COL11A1: variants seen among roughly 807,000 people sequenced by gnomAD.
The protein encoded by COL11A1 is collagen type XI alpha 1 chain.
COL11A1 carries 74 observed loss-of-function variants against 265.2 expected under a neutral mutation model. The observed-to-expected ratio is 0.28, with a 90% CI of 0.23 to 0.34. The LOEUF (loss-of-function observed/expected upper bound fraction) is 0.34, where lower values mean the gene tolerates loss of function less well. Among genes scored for constraint, COL11A1 ranks in the 10% least tolerant of loss-of-function variants. The probability of loss-of-function intolerance (pLI) is 1.00; values close to 1 mark genes in which losing one functional copy is unlikely to be tolerated. For missense variants in COL11A1, 2,165 were observed against 2,263.6 expected, an observed-to-expected ratio of 0.96 and a Z score of 0.88; for synonymous variants, 816 against 727.6, an observed-to-expected ratio of 1.12 and a Z score of -1.96.
At chr1:103,030,913 A>C (rs937705444) in intron 5 of COL11A1, 2 of 603,714 alleles carry the variant, frequency 3.3e-6, no homozygotes, top group East Asian at 3.3e-5. Context: ...ATTGCTAATA[A>C]ATTTATGTAA....
chr1:103,045,691 G>A (rs1356014325), intron 4 of COL11A1, among the ~76,000 whole-genome samples: 3 of 151,824 alleles, frequency 2.0e-5, no homozygotes, highest in Non-Finnish European at 2.9e-5. Flanking sequence ...GTATGTAGAC[G>A]TGTGCCATAT....
chr1:103,035,588 T>C (rs1668304954), intron 4 of COL11A1, among the ~76,000 whole-genome samples: 1 of 152,056 alleles, frequency 6.6e-6, no homozygotes, highest in Non-Finnish European at 1.5e-5. Flanking sequence ...CTCTCTCAAA[T>C]AGTGCTTTAA....
At chr1:103,047,881 T>C (rs1669436058) in intron 4 of COL11A1, among the ~76,000 whole-genome samples, 2 of 152,186 alleles carry the variant, frequency 1.3e-5, no homozygotes, top group Admixed American at 1.3e-4. Flanking sequence ...TTGTCTTTGA[T>C]TCTGTTTATA....
intron 28 of COL11A1, among the ~76,000 whole-genome samples, chr1:102,993,683 G>A (rs1664348519): frequency 6.6e-6 from 1 of 151,892 alleles, no homozygotes; most frequent in Non-Finnish European, 1.5e-5. Context: ...GACCACAGGT[G>A]CGCATCACAG....
chr1:102,953,015 G>A (rs1289752028), intron 41 of COL11A1, among the ~76,000 whole-genome samples: 2 of 152,170 alleles, frequency 1.3e-5, no homozygotes, highest in Non-Finnish European at 2.9e-5. Context: ...AATATGAAAT[G>A]TATTATGGCA....
At position 102,900,705 on chromosome 1, in the gene COL11A1, C is replaced by T. The variant is rs140609343; in HGVS notation, c.4087-1711G>A. Reference sequence around the variant, plus strand: ...AGAAAGAAAATCAGTATTAGAAGAGCCCAGAGAATTTTAACATAACTAAAT... The same window carrying T: ...AGAAAGAAAATCAGTATTAGAAGAGTCCAGAGAATTTTAACATAACTAAAT... On this transcript the variant is annotated intron_variant, in intron 54 of 66. Transcript: ENST00000370096. Among the ~76,000 whole-genome samples, 846 of 151,970 alleles carry T rather than the reference C, an allele frequency of 5.6e-3. 4 individuals are homozygous for T. Among genetic ancestry groups the T allele is most frequent in the Non-Finnish European group, 8.9e-3 (607 of 67,944 alleles).
chr1:102,879,766 C>A lies in COL11A1; in HGVS notation c.5191G>T (p.Ala1731Ser). 5 of 1,613,954 alleles carry A rather than the reference C, an allele frequency of 3.1e-6. No homozygotes were observed. The highest frequency in any genetic ancestry group is 3.4e-6 in the Non-Finnish European group (4 of 1,179,900). The change falls in exon 66 of 67, where the codon GCA (alanine) becomes TCA (serine). Residue 1731 changes from alanine (A) to serine (S), a missense_variant. Ala to Ser is a moderately conservative substitution (Grantham distance 99). Transcript: ENST00000370096. ...YDVSSGSYDK[A>S]LRFLGSNDEE... ...TCATTTGATCCCAGGAAGCGAAGTG[C>A]TTTGTCATAACTTCCTGATGACACA...
rs1395025485 is a variant in COL11A1, at chr1:102,878,225, T to G, written c.5275-60A>C. On this transcript the variant is annotated intron_variant, in intron 66 of 66. Coordinates refer to ENST00000370096, the MANE Select transcript of COL11A1 (RefSeq NM_001854.4). The stretch of plus-strand genomic sequence containing the variant: ...TCTTTTAATATTTTTAAATGCATCT[T>G]ATTTTTTCTTGGGCTTCTGAGTGGA... The G allele has an allele frequency of 9.5e-6, 14 of 1,478,010 alleles. No homozygotes were observed. In the Admixed American group the frequency reaches 2.7e-4, roughly 29 times the overall value. The allele number at this position is 1,478,010 out of a possible 1,614,324, so 91.6% of individuals were successfully genotyped here.
chr1:103,003,355 AT>A, intron 20 of COL11A1, 87 bp from the exon 21 acceptor site: 1 of 1,327,258 alleles, frequency 7.5e-7, no homozygotes, highest in Non-Finnish European at 1.1e-6. Context: ...TCCTAAGGTT[AT>A]TTTTAGAATA....
chr1:103,068,925 C>G (rs79457827), intron 4 of COL11A1, among the ~76,000 whole-genome samples: 5,118 of 151,210 alleles, frequency 0.034, 110 homozygotes, highest in Middle Eastern at 0.093. Context: ...TTAAACAAGA[C>G]CAAAATAAAT....
chr1:103,059,173 T>C (rs1241627454), intron 4 of COL11A1, among the ~76,000 whole-genome samples: 1 of 152,166 alleles, frequency 6.6e-6, no homozygotes, highest in East Asian at 1.9e-4. Context: ...TGCAGCATTA[T>C]CCTTCAGTGT....
intron 4 of COL11A1, among the ~76,000 whole-genome samples, chr1:103,053,138 AG>A (rs555270513): frequency 6.6e-6 from 1 of 152,318 alleles, no homozygotes; most frequent in African/African-American, 2.4e-5. Context: ...TCAGCAAAAT[AG>A]AAATCCAAAT....
intron 4 of COL11A1, among the ~76,000 whole-genome samples, chr1:103,066,723 T>A (rs530608029): frequency 3.3e-5 from 5 of 152,038 alleles, no homozygotes; most frequent in Admixed American, 1.3e-4. Context: ...ATTAGTTTCA[T>A]GACACCAATT....
At chr1:103,083,651 A>G (rs1672616261) in intron 1 of COL11A1, among the ~76,000 whole-genome samples, 1 of 152,178 alleles carries the variant, frequency 6.6e-6, no homozygotes, top group Non-Finnish European at 1.5e-5. Context: ...CAAATTATAT[A>G]CAGGTACTTA....
At chr1:102,907,546 T>G (rs1426630835) in intron 54 of COL11A1, among the ~76,000 whole-genome samples, 2 of 152,052 alleles carry the variant, frequency 1.3e-5, no homozygotes, top group African/African-American at 2.4e-5. Context: ...TTGTTAATCA[T>G]TGGCTTATGT....
intron 9 of COL11A1, among the ~76,000 whole-genome samples, chr1:103,019,305 C>A (rs777527979): frequency 6.6e-6 from 1 of 151,696 alleles, no homozygotes; most frequent in Non-Finnish European, 1.5e-5. Flanking sequence ...ACAGAAAAAT[C>A]CAGGCAAAAG....
chr1:103,034,100 T>C (rs1244212723), intron 4 of COL11A1, among the ~76,000 whole-genome samples: 2 of 152,150 alleles, frequency 1.3e-5, no homozygotes, highest in Non-Finnish European at 2.9e-5. Context: ...TTATATGTTA[T>C]CAGTCACTTC....
chr1:103,099,969 C>G (rs1372071108), intron 1 of COL11A1, among the ~76,000 whole-genome samples: 1 of 151,792 alleles, frequency 6.6e-6, no homozygotes. Flanking sequence ...TTGTTCCAGT[C>G]TTCTGGGTAA....
At chr1:103,064,365 G>C (rs1670910402) in intron 4 of COL11A1, among the ~76,000 whole-genome samples, 1 of 152,082 alleles carries the variant, frequency 6.6e-6, no homozygotes, top group Non-Finnish European at 1.5e-5. Context: ...TTATTCAGCA[G>C]TAAGAAGAAA....
Sources: gnomAD v4.1 joint callset for allele counts (sites outside exome capture counted in the v4.1 genomes callset) on GRCh38, gnomAD v4.1.1 for gene constraint, MANE v1.5 for transcripts, NCBI Gene and HGNC (gene_info 2026-07-23, HGNC 2026-07-21) for gene names.